The following FERMT1 variants were observed in gnomAD, a reference collection of about 807,000 sequenced individuals.
FERMT1 encodes the protein FERM domain containing kindlin 1, also known as fermitin family homolog 1.
Under a neutral mutation model 85.3 loss-of-function variants are expected in FERMT1, and 60 were observed. The observed-to-expected ratio is 0.70, with a 90% CI of 0.57 to 0.87. FERMT1 has a LOEUF of 0.87. FERMT1 is among the 40% of genes least tolerant of loss of function. The pLI is 0.00. For synonymous variants in FERMT1, 275 were observed against 301.1 expected (o/e 0.91, Z 0.90); for missense variants, 701 against 818.9 (o/e 0.86, Z 1.76).
chr20:6,091,931 G>A (rs1476564648), intron 9 of FERMT1, among the ~76,000 whole-genome samples: 1 of 136,052 alleles, frequency 7.4e-6, no homozygotes, highest in African/African-American at 2.8e-5. Flanking sequence ...CCAGGCTCTC[G>A]TTAGAATTTT....
chr20:6,085,398 A>G (rs1982147987), intron 11 of FERMT1, 111 bp from the exon 12 acceptor site: 1 of 918,856 alleles, frequency 1.1e-6, no homozygotes, highest in Non-Finnish European at 1.8e-6. Flanking sequence ...TCACCTTCCA[A>G]GCAAGATGTG....
At chr20:6,101,131 G>A (rs1182884362) in intron 6 of FERMT1, among the ~76,000 whole-genome samples, 1 of 152,206 alleles carries the variant, frequency 6.6e-6, no homozygotes, top group African/African-American at 2.4e-5. Context: ...TACTGATAAT[G>A]TTTGATGTTG....
Position 6,112,586 on chromosome 20 carries a change from C to T in FERMT1, c.423G>A (p.Pro141=), listed in dbSNP as rs41308076. 3.9e-5 allele frequency: 63 copies of T among 1,598,468 alleles called. No individual in the cohort carries two copies. The highest frequency in any genetic ancestry group is 3.5e-4 in the Middle Eastern group (2 of 5,672). The change falls in exon 4 of 15, where the codon CCG becomes CCA. Residue 141 remains proline, a synonymous_variant. Coordinates refer to ENST00000217289, the MANE Select transcript of FERMT1 (RefSeq NM_017671.5). ...TCTTCTTCTTAAAATAGTCACCAGA[C>T]GGCTTTAACAAGGAAAGCTCTTCTG... The part of the protein sequence containing the change: ...RRSEELSLLK[P]SGDYFKKKKK...
chr20:6,104,095 T>G lies in FERMT1; in HGVS notation c.849+3437A>C, dbSNP rs1349901255. On this transcript the variant is annotated intron_variant, in intron 6 of 14. Transcript: ENST00000217289. This position sits in a 1 kb window ranked among gnomAD's most constrained non-coding sequence, Gnocchi z 4.2. ...CATGTTGGCCAGGCTAGTCTCGAAC[T>G]TCTAACCTCAGGCGATCCACCCGCC... Among the ~76,000 whole-genome samples the G allele has an allele frequency of 6.6e-6, 1 of 152,166 alleles. No individual in the cohort carries two copies. Among genetic ancestry groups the G allele is most frequent in the Non-Finnish European group, 1.5e-5 (1 of 68,032 alleles).
rs1368258010 is a variant in FERMT1 at position 6,085,157 on chromosome 20, G to A, written c.1502C>T (p.Ala501Val). Residue 501 changes from alanine to valine, a missense_variant, in exon 12 of 15, where the codon GCA becomes GTA. Transcript: ENST00000217289. ...SFLRMKNRNS[A>V]SQVASSLENM... ...TTCGAGACTGGAAGCCACCTGAGATGCAGAGTTCCTGTTTTTCATCCTCAG... is the reference window on the plus strand; with the variant it reads ...TTCGAGACTGGAAGCCACCTGAGATACAGAGTTCCTGTTTTTCATCCTCAG... 2.5e-6 allele frequency: 4 copies of A among 1,614,154 alleles called. No homozygotes were observed. The East Asian group carries it at 8.9e-5, about 36-fold the overall frequency.
At chr20:6,107,717 TAC>T in intron 5 of FERMT1, 83 bp from the exon 6 acceptor site, 1 of 688,150 alleles carries the variant, frequency 1.5e-6, no homozygotes, top group South Asian at 1.6e-5. Flanking sequence ...TATTATATAC[TAC>T]ATATATATAT....
At chr20:6,115,249 T>G (rs1300055189) in intron 3 of FERMT1, among the ~76,000 whole-genome samples, 1 of 152,144 alleles carries the variant, frequency 6.6e-6, no homozygotes, top group Non-Finnish European at 1.5e-5. Flanking sequence ...AAAAATTGGT[T>G]TGGGTAGTGT....
chr20:6,115,207 G>A (rs146931816), intron 3 of FERMT1, among the ~76,000 whole-genome samples: 8 of 152,302 alleles, frequency 5.3e-5, no homozygotes, highest in Admixed American at 2.6e-4. Flanking sequence ...CCTTCATGGG[G>A]TGTTTCCTTC....
At chr20:6,118,689 A>G (rs961261055) in intron 2 of FERMT1, among the ~76,000 whole-genome samples, 1 of 152,232 alleles carries the variant, frequency 6.6e-6, no homozygotes, top group Non-Finnish European at 1.5e-5. Flanking sequence ...CTGACACGCT[A>G]CAAGGTGAAG....
intron 8 of FERMT1, 29 bp downstream of exon 8, chr20:6,096,873 A>G: frequency 6.2e-7 from 1 of 1,605,374 alleles, no homozygotes; most frequent in Non-Finnish European, 8.5e-7. Flanking sequence ...AGAAAGCCAC[A>G]GTTCTGGGTG....
rs1981826406 is a variant in FERMT1, at chr20:6,076,528, G to A, written c.*645C>T. ...AGACCAATGACTAAGACCAGATGTG[G>A]GTCAGTGGTCATCTTGGCAGGTATC... On this transcript the variant is annotated 3_prime_UTR_variant, in exon 15 of 15. Coordinates refer to ENST00000217289, the MANE Select transcript of FERMT1 (RefSeq NM_017671.5). 6.0e-6 allele frequency: 3 copies of A among 497,100 alleles called. No homozygotes were observed. Among genetic ancestry groups the A allele is most frequent in the Non-Finnish European group, 1.2e-5 (3 of 249,330 alleles). The allele number at this position is 497,100 out of a possible 1,614,324, so 30.8% of individuals were successfully genotyped here.
At chr20:6,098,068 C>A (rs113556480) in intron 6 of FERMT1, among the ~76,000 whole-genome samples, 47 of 152,270 alleles carry the variant, frequency 3.1e-4, no homozygotes, top group Non-Finnish European at 5.0e-4. Flanking sequence ...CCCATCTCAG[C>A]CCCACAAAGT....
At chr20:6,100,979 T>G (rs1982645331) in intron 6 of FERMT1, among the ~76,000 whole-genome samples, 1 of 152,138 alleles carries the variant, frequency 6.6e-6, no homozygotes, top group African/African-American at 2.4e-5. Flanking sequence ...GGCAAATATA[T>G]AAACAGGTAG....
chr20:6,115,481 T>G (rs1358494245), intron 3 of FERMT1, among the ~76,000 whole-genome samples: 1 of 152,232 alleles, frequency 6.6e-6, no homozygotes, highest in Admixed American at 6.5e-5. Flanking sequence ...AATACAACTC[T>G]TTAAATCTTA....
chr20:6,115,674 A>G (rs897737033), intron 3 of FERMT1, 137 bp downstream of exon 3: 6 of 736,046 alleles, frequency 8.2e-6, no homozygotes, highest in Non-Finnish European at 1.2e-5. Context: ...TGCAATACCC[A>G]GAAGGGCTTA....
At chr20:6,111,836 A>T (rs1390783048) in intron 4 of FERMT1, among the ~76,000 whole-genome samples, 5 of 151,346 alleles carry the variant, frequency 3.3e-5, no homozygotes, top group Non-Finnish European at 5.9e-5. Context: ...AGAGAAGTGT[A>T]TTTGAGTGAT....
chr20:6,084,147 C>T lies in FERMT1; in HGVS notation c.1611G>A (p.Leu537=), dbSNP rs769457231. ...HKSKQLAARI[L]EAHQNVAQMP... is the part of the protein sequence containing the mutation. ...TCTGGGCCACGTTCTGGTGCGCCTC[C>T]AGGATCCGGGCGGCCAGCTGAACAG... Residue 537 remains leucine, a synonymous_variant, in exon 13 of 15, where the codon CTG becomes CTA. Transcript: ENST00000217289. 5 of 1,612,802 alleles carry T rather than the reference C, an allele frequency of 3.1e-6. No homozygotes were observed. Among genetic ancestry groups the T allele is most frequent in the East Asian group, 4.5e-5 (2 of 44,852 alleles).
At chr20:6,119,978 A>G (rs1983222705) in intron 1 of FERMT1, among the ~76,000 whole-genome samples, 1 of 152,178 alleles carries the variant, frequency 6.6e-6, no homozygotes, top group Non-Finnish European at 1.5e-5. Flanking sequence ...TATAATTTGC[A>G]TGTAATAAAA....
Position 6,085,074 on chromosome 20 carries a change from A to G in FERMT1, c.1585T>C (p.Ser529Pro), listed in dbSNP as rs1361922889. ...VSPRCAKRHK[S>P]KQLAARILEA... ...AACAAGATTAACAGTACCTGTTTGG[A>G]TTTGTGTCTTTTTGCACACCGTGGT... The change falls in exon 12 of 15, where the codon TCC becomes CCC. Residue 529 changes from serine to proline, a missense_variant. Transcript: ENST00000217289. 3 of 1,613,338 alleles carry G rather than the reference A, an allele frequency of 1.9e-6. No homozygotes were observed. The highest frequency in any genetic ancestry group is 4.5e-5 in the East Asian group (2 of 44,894).
Sources: allele counts gnomAD v4.1 joint callset (sites outside exome capture counted in the v4.1 genomes callset), GRCh38; gene constraint gnomAD v4.1.1; non-coding constraint Gnocchi (gnomAD v3.1); transcripts MANE v1.5; gene names NCBI Gene and HGNC (gene_info 2026-07-23, HGNC 2026-07-21).